Variants in STIM2 observed in about 807,000 individuals in gnomAD.
STIM2 encodes stromal interaction molecule 2.
A neutral mutation model predicts 85.8 loss-of-function variants in STIM2; 31 were observed. The observed-to-expected ratio is 0.36, with a 90% CI of 0.27 to 0.49. STIM2 has a LOEUF of 0.49. Among genes scored for constraint, STIM2 ranks in the 20% least tolerant of loss-of-function variants. The pLI, the probability that STIM2 is intolerant of heterozygous loss-of-function variation, is 0.98. For synonymous variants in STIM2, 356 were observed against 331.1 expected, an observed-to-expected ratio of 1.08 and a Z score of -0.82; for missense variants, 841 against 927.6, an observed-to-expected ratio of 0.91 and a Z score of 1.21.
chr4:26,861,230 C>A lies in STIM2; in HGVS notation c.12C>A (p.Leu4=), dbSNP rs1722168312. 6.7e-7 allele frequency: 1 copy of A among 1,493,212 alleles called. No homozygotes were observed. The highest frequency in any genetic ancestry group is 2.1e-5 in the Admixed American group (1 of 46,724). The allele number at this position is 1,493,212 out of a possible 1,614,324, so 92.5% of individuals were successfully genotyped here. Residue 4 remains leucine (L), a synonymous_variant, in exon 1 of 12, where the codon CTC becomes CTA. Coordinates refer to ENST00000467087, the MANE Select transcript of STIM2 (RefSeq NM_020860.4). ...GGCGCTGGGCTGCGTTGCTGGTGCT[C>A]GGGCTGCTGGTAGCCGGAGCGGCGG... is the stretch of plus-strand genomic sequence containing the variant.
intron 2 of STIM2, among the ~76,000 whole-genome samples, chr4:26,951,755 A>T (rs1726061881): frequency 6.6e-6 from 1 of 152,138 alleles, no homozygotes; most frequent in Non-Finnish European, 1.5e-5. Context: ...CATGAATATT[A>T]ATGTTAATTC....
At chr4:26,898,450 A>G (rs1218863817) in intron 1 of STIM2, among the ~76,000 whole-genome samples, 1 of 152,148 alleles carries the variant, frequency 6.6e-6, no homozygotes, top group African/African-American at 2.4e-5. Context: ...CCATTTAAAA[A>G]GTTTTCATTT....
chr4:26,919,451 A>G (rs1167832708), intron 1 of STIM2, 53 bp from the exon 2 acceptor site: 2 of 1,607,436 alleles, frequency 1.2e-6, no homozygotes, highest in East Asian at 2.2e-5. Flanking sequence ...CTCTCTAACT[A>G]TAGCCTTTGT....
chr4:26,940,540 T>C (rs1725573292), intron 2 of STIM2, among the ~76,000 whole-genome samples: 1 of 152,140 alleles, frequency 6.6e-6, no homozygotes, highest in African/African-American at 2.4e-5. Flanking sequence ...TCTTTAAATG[T>C]GGTGTTGTTT....
At chr4:27,008,569 T>C (rs763514199) in intron 9 of STIM2, 41 bp downstream of exon 9, 5 of 1,378,994 alleles carry the variant, frequency 3.6e-6, no homozygotes, top group Middle Eastern at 1.8e-4. Context: ...TTATGTTTAT[T>C]GTGTTAAAAT....
At position 26,937,316 on chromosome 4, in the gene STIM2, G is replaced by T. The variant is rs151026809; in HGVS notation, c.282+17682G>T. ...AAGGGGGCAGAGCAGTGGGAGTAGG[G>T]TTGTGAATTAGGACAGGACAGTGTG... On this transcript the variant is annotated intron_variant, in intron 2 of 11. Coordinates refer to ENST00000467087, the MANE Select transcript of STIM2 (RefSeq NM_020860.4). Among the ~76,000 whole-genome samples the T allele has an allele frequency of 6.6e-3, 1,002 of 152,258 alleles. 8 individuals carry two copies. The highest frequency in any genetic ancestry group is 0.015 in the Admixed American group (233 of 15,290).
At chr4:26,997,732 G>A (rs1360760320) in intron 4 of STIM2, among the ~76,000 whole-genome samples, 4 of 152,198 alleles carry the variant, frequency 2.6e-5, no homozygotes, top group East Asian at 1.9e-4. Flanking sequence ...GGGATACAGA[G>A]ATACGACATA....
At chr4:26,961,931 TG>T (rs887871535) in intron 3 of STIM2, among the ~76,000 whole-genome samples, 1 of 152,134 alleles carries the variant, frequency 6.6e-6, no homozygotes, top group Non-Finnish European at 1.5e-5. Context: ...TTTTATTTTT[TG>T]TTGGGACGGG....
intron 3 of STIM2, among the ~76,000 whole-genome samples, chr4:26,968,772 C>G (rs1355072746): frequency 1.3e-5 from 2 of 151,986 alleles, no homozygotes; most frequent in East Asian, 3.8e-4. Flanking sequence ...AAGGAATAGG[C>G]AAGAAAATGG....
intron 1 of STIM2, among the ~76,000 whole-genome samples, chr4:26,910,360 T>TA (rs561852810): frequency 9.2e-5 from 14 of 151,658 alleles, no homozygotes; most frequent in Middle Eastern, 3.4e-3. Context: ...CCGTCTTTAC[T>TA]AAAAAAAATA....
At position 27,023,429 on chromosome 4, in the gene STIM2, A is replaced by G. The variant is rs1728980339; in HGVS notation, c.*433A>G. The G allele has an allele frequency of 6.2e-6, 1 of 161,390 alleles. No homozygotes were observed. The highest frequency in any genetic ancestry group is 1.8e-4 in the East Asian group (1 of 5,696). 10.0% of individuals were successfully genotyped at this position (161,390 alleles called of 1,614,324 possible). A position where few individuals can be genotyped will look rare whatever the true frequency, so the allele number is the denominator to read the frequency against. ...ATTTACATCCTGGACTATATAACTT[A>G]AAAGAAGTAAAACGTAATTGCACTA... is the stretch of plus-strand genomic sequence containing the variant. On this transcript the variant is annotated 3_prime_UTR_variant, in exon 12 of 12. Coordinates refer to ENST00000467087, the MANE Select transcript of STIM2 (RefSeq NM_020860.4).
chr4:26,984,316 T>C (rs1727502853), intron 3 of STIM2, among the ~76,000 whole-genome samples: 1 of 152,228 alleles, frequency 6.6e-6, no homozygotes, highest in Non-Finnish European at 1.5e-5. Flanking sequence ...AGAAACACTA[T>C]CTGCAGAACA....
intron 3 of STIM2, among the ~76,000 whole-genome samples, chr4:26,974,026 A>C (rs748740757): frequency 3.9e-5 from 6 of 152,136 alleles, no homozygotes; most frequent in Non-Finnish European, 5.9e-5. Context: ...CTTGGTTTAA[A>C]GTCTGTTTTA....
chr4:26,883,426 A>G (rs1014829474), intron 1 of STIM2, among the ~76,000 whole-genome samples: 4 of 152,086 alleles, frequency 2.6e-5, no homozygotes, highest in Non-Finnish European at 5.9e-5. Flanking sequence ...CCTGTCTTAT[A>G]TTGTATATAA....
At chr4:26,976,382 CTTTTTT>C (rs35434321) in intron 3 of STIM2, among the ~76,000 whole-genome samples, 1 of 116,948 alleles carries the variant, frequency 8.6e-6, no homozygotes. Context: ...TCTTGGGAGT[CTTTTTT>C]TTTTTTTTTT....
At chr4:27,001,525 A>G (rs1728154365) in intron 5 of STIM2, among the ~76,000 whole-genome samples, 1 of 152,154 alleles carries the variant, frequency 6.6e-6, no homozygotes, top group Non-Finnish European at 1.5e-5. Context: ...TTTGGGCTGG[A>G]TAGTTTCTGG....
At chr4:26,922,448 C>A (rs1423320398) in intron 2 of STIM2, among the ~76,000 whole-genome samples, 1 of 152,112 alleles carries the variant, frequency 6.6e-6, no homozygotes, top group Non-Finnish European at 1.5e-5. Flanking sequence ...TGAGCTTCTG[C>A]AGTTTCAATG....
intron 1 of STIM2, among the ~76,000 whole-genome samples, chr4:26,918,067 A>T (rs1724654918): frequency 6.6e-6 from 1 of 152,064 alleles, no homozygotes; most frequent in African/African-American, 2.4e-5. Context: ...AGAACTTATA[A>T]TTGCATTTCC....
intron 2 of STIM2, among the ~76,000 whole-genome samples, chr4:26,938,040 T>C (rs991656323): frequency 6.6e-6 from 1 of 151,950 alleles, no homozygotes; most frequent in Non-Finnish European, 1.5e-5. Flanking sequence ...TTAAATAGCT[T>C]AAATTTAAAT....
Sources: allele counts gnomAD v4.1 joint callset (sites outside exome capture counted in the v4.1 genomes callset), GRCh38; gene constraint gnomAD v4.1.1; transcripts MANE v1.5; gene names NCBI Gene and HGNC (gene_info 2026-07-23, HGNC 2026-07-21).